DYNLT2: variants seen among roughly 807,000 people sequenced by gnomAD.
DYNLT2 encodes dynein light chain Tctex-type protein 2.
In DYNLT2, 24 loss-of-function variants were observed where a neutral mutation model predicts 24.3. The ratio of observed to expected loss-of-function variants is 0.99; its 90% CI spans 0.71 to 1.39. DYNLT2 has a LOEUF of 1.39. DYNLT2 is among the 40% of genes most tolerant of loss of function. The pLI, the probability that DYNLT2 is intolerant of heterozygous loss-of-function variation, is 0.00. For missense variants in DYNLT2, 246 were observed against 234.5 expected (o/e 1.05, Z -0.32); for synonymous variants, 85 against 85.4 (o/e 1.00, Z 0.03).
At chr6:169,743,055 G>T in intron 3 of DYNLT2, 25 bp downstream of exon 3, 1 of 1,468,042 alleles carries the variant, frequency 6.8e-7, no homozygotes, top group Non-Finnish European at 9.1e-7. Context: ...CTAATTGCTA[G>T]ATCCTGTATC....
At chr6:169,745,246 C>T (rs1789770553) in intron 1 of DYNLT2, among the ~76,000 whole-genome samples, 2 of 151,980 alleles carry the variant, frequency 1.3e-5, no homozygotes, top group African/African-American at 2.4e-5. Flanking sequence ...GTGCATGCCA[C>T]CACTCCCAAC....
chr6:169,728,527 G>T, the DYNLT2 span, among the ~76,000 whole-genome samples: 4 of 152,296 alleles, frequency 2.6e-5, no homozygotes, highest in East Asian at 7.7e-4. Flanking sequence ...CTAGAAAAAT[G>T]ACCATGGAAG....
At chr6:169,737,509 G>A (rs569825236), downstream of DYNLT2, among the ~76,000 whole-genome samples, 80 of 152,048 alleles carry the variant, frequency 5.3e-4, no homozygotes, top group Non-Finnish European at 1.1e-3. Context: ...TTTTGTGGGG[G>A]CCTTTTTTGT....
the DYNLT2 span, among the ~76,000 whole-genome samples, chr6:169,733,250 A>AT: frequency 1.3e-5 from 2 of 151,994 alleles, no homozygotes; most frequent in South Asian, 4.1e-4. Flanking sequence ...GTTCACTCTG[A>AT]TGATAGTTTC....
chr6:169,741,053 C>T (rs1038034622), intron 3 of DYNLT2, among the ~76,000 whole-genome samples: 18 of 152,066 alleles, frequency 1.2e-4, no homozygotes, highest in Non-Finnish European at 4.4e-5. Context: ...CTGATCCACC[C>T]GCATCAGCCT....
the DYNLT2 span, among the ~76,000 whole-genome samples, chr6:169,729,246 T>C: frequency 6.6e-6 from 1 of 152,228 alleles, no homozygotes; most frequent in Non-Finnish European, 1.5e-5. Flanking sequence ...GCAACTTACC[T>C]TGTTTTTTCT....
chr6:169,744,463 C>CAAA (rs67581971), intron 1 of DYNLT2, among the ~76,000 whole-genome samples, 189 bp from the exon 2 acceptor site: 2 of 148,580 alleles, frequency 1.3e-5, no homozygotes, highest in African/African-American at 4.9e-5. Flanking sequence ...ATCAATTTGG[C>CAAA]AAAAAAAAAT....
rs1790075179 is a variant in DYNLT2 at position 169,751,530 on chromosome 6, C to T, written c.-72G>A. On this transcript the variant is annotated 5_prime_UTR_variant, in exon 1 of 4. Transcript: ENST00000366774. The stretch of plus-strand genomic sequence containing the variant: ...CGGTCAAACGCCCTAGCCAGTCCCG[C>T]GAGGGCGGAAGTCTCCCACCTGCGC... 3 of 1,610,156 alleles carry T rather than the reference C, an allele frequency of 1.9e-6. No individual in the cohort carries two copies.
At chr6:169,732,327 C>G in the DYNLT2 span, among the ~76,000 whole-genome samples, 4 of 152,016 alleles carry the variant, frequency 2.6e-5, no homozygotes, top group African/African-American at 9.7e-5. Context: ...CTTTTTATTT[C>G]TTCTTAAAAA....
chr6:169,743,273 C>A (rs1562996517), intron 2 of DYNLT2, 35 bp from the exon 3 acceptor site: 4 of 1,296,366 alleles, frequency 3.1e-6, no homozygotes, highest in Non-Finnish European at 4.1e-6. Flanking sequence ...CTTTTATTTT[C>A]AAACCAAATA....
At chr6:169,730,823 G>A in the DYNLT2 span, among the ~76,000 whole-genome samples, 1 of 152,292 alleles carries the variant, frequency 6.6e-6, no homozygotes, top group African/African-American at 2.4e-5. Flanking sequence ...GTGTGAACCT[G>A]GGAGGTGGAG....
At chr6:169,740,327 A>G in intron 3 of DYNLT2, 32 bp from the exon 4 acceptor site, 1 of 1,274,874 alleles carries the variant, frequency 7.8e-7, no homozygotes. Flanking sequence ...GACCAACTTT[A>G]GATTGAACAT....
chr6:169,751,313 G>C, intron 1 of DYNLT2, 26 bp downstream of exon 1: 5 of 1,605,194 alleles, frequency 3.1e-6, no homozygotes, highest in Non-Finnish European at 4.3e-6. Flanking sequence ...TAGCCGTCTC[G>C]GGCCCCTAGC....
intron 1 of DYNLT2, chr6:169,749,693 TC>T (rs1157541782): frequency 6.6e-6 from 1 of 152,174 alleles, no homozygotes; most frequent in African/African-American, 2.4e-5. Context: ...TTGGGTCTCA[TC>T]CTTATTAAAA....
rs754959686 is a variant in DYNLT2, at chr6:169,751,327, C to G, written c.120+12G>C. 10 of 1,612,658 alleles carry G rather than the reference C, an allele frequency of 6.2e-6. No homozygotes were observed. In the South Asian group the frequency reaches 6.6e-5, roughly 11 times the overall value. On this transcript the variant is annotated intron_variant, in intron 1 of 3. Coordinates refer to ENST00000366774, the MANE Select transcript of DYNLT2 (RefSeq NM_174910.3). ...ATAGCCGTCTCGGGCCCCTAGCAGT[C>G]TCCGCACTCACTGCCTCCTTCTCGA...
intron 1 of DYNLT2, among the ~76,000 whole-genome samples, chr6:169,748,058 C>T (rs1206616110): frequency 6.6e-6 from 1 of 152,186 alleles, no homozygotes; most frequent in Non-Finnish European, 1.5e-5. Context: ...CTGTATTTTT[C>T]ATGATTTTCC....
the DYNLT2 span, among the ~76,000 whole-genome samples, chr6:169,729,574 G>C: frequency 6.6e-6 from 1 of 152,164 alleles, no homozygotes; most frequent in Non-Finnish European, 1.5e-5. Flanking sequence ...CTGAAAGAAG[G>C]ATTGTGATAT....
In DYNLT2 at chr6:169,751,499, C is replaced by A; in HGVS notation, c.-41G>T. The A allele has an allele frequency of 6.2e-7, 1 of 1,611,102 alleles. No homozygotes were observed. Among genetic ancestry groups the A allele is most frequent in the South Asian group, 1.1e-5 (1 of 90,918 alleles). On this transcript the variant is annotated 5_prime_UTR_variant, in exon 1 of 4. Transcript: ENST00000366774. ...AAGACGCCCACCGCCTCCCCTTCAC[C>A]GCCGGCGGTCAAACGCCCTAGCCAG...
At chr6:169,730,437 C>G in the DYNLT2 span, among the ~76,000 whole-genome samples, 2 of 152,132 alleles carry the variant, frequency 1.3e-5, no homozygotes, top group African/African-American at 4.8e-5. Flanking sequence ...ACGCTAACTC[C>G]TGGCTGTAAG....
Sources: gnomAD v4.1 joint callset for allele counts (sites outside exome capture counted in the v4.1 genomes callset) on GRCh38, gnomAD v4.1.1 for gene constraint, MANE v1.5 for transcripts, NCBI Gene and HGNC (gene_info 2026-07-23, HGNC 2026-07-21) for gene names.